Variants in SCN4B observed in about 807,000 individuals in gnomAD.
SCN4B encodes sodium voltage-gated channel beta subunit 4, also known as sodium channel regulatory subunit beta-4.
A neutral mutation model predicts 19.6 loss-of-function variants in SCN4B; 20 were observed. That is an observed-to-expected ratio of 1.02 (90% confidence interval 0.72 to 1.48). The LOEUF is 1.48. SCN4B is among the 40% of genes most tolerant of loss of function. SCN4B has a pLI of 0.00. For synonymous variants in SCN4B, 127 were observed against 122.8 expected (o/e 1.03, Z -0.22); for missense variants, 271 against 287.5 (o/e 0.94, Z 0.42).
chr11:118,140,618 G>A lies in SCN4B; in HGVS notation c.593+589C>T, dbSNP rs922609650. Among the ~76,000 whole-genome samples the A allele has an allele frequency of 3.3e-5, 5 of 152,198 alleles. No homozygotes were observed. The East Asian group carries it at 7.7e-4, about 23-fold the overall frequency. On this transcript the variant is annotated intron_variant, in intron 4 of 4. Transcript: ENST00000324727. ...ACTGTTCCAAAAATTTGGGGCCTGA[G>A]GGTTGCACCCTCCGTACCTCCCCCA...
At position 118,136,299 on chromosome 11, in the gene SCN4B, G is replaced by C; in HGVS notation, c.*728C>G. 1 of 453,830 alleles carries C rather than the reference G, an allele frequency of 2.2e-6. No homozygotes were observed. Among genetic ancestry groups the C allele is most frequent in the Non-Finnish European group, 4.4e-6 (1 of 226,672 alleles). 28.1% of individuals were successfully genotyped at this position (453,830 alleles called of 1,614,324 possible). ...GCACTCGGGTACTCCAGGAAGGCTC[G>C]AGGGGCCCCTTCCTGAGCCCCTCAG... On this transcript the variant is annotated 3_prime_UTR_variant, in exon 5 of 5. Transcript: ENST00000324727.
In SCN4B at chr11:118,133,454, G is replaced by A. The variant is rs757652773; in HGVS notation, c.*3573C>T. 4.4e-6 allele frequency: 2 copies of A among 450,190 alleles called. No individual in the cohort carries two copies. The highest frequency in any genetic ancestry group is 3.1e-5 in the South Asian group (2 of 64,404). The allele number at this position is 450,190 out of a possible 1,614,324, so 27.9% of individuals were successfully genotyped here. On this transcript the variant is annotated 3_prime_UTR_variant, in exon 5 of 5. Transcript: ENST00000324727. ...AATGCAAAACTTGTTGTAGAGGCCAGACTGATTATATCCGTTCTGTGCTCG... is the reference window on the plus strand; with the variant it reads ...AATGCAAAACTTGTTGTAGAGGCCAAACTGATTATATCCGTTCTGTGCTCG...
chr11:118,133,857 G>C lies in SCN4B; in HGVS notation c.*3170C>G, dbSNP rs1239213927. Reference sequence around the variant, plus strand: ...AGCACGGCTGGTCTTCTCTGCCTTTGATTCTTTCTCAGTCTCCAGATGCCT... The same window carrying C: ...AGCACGGCTGGTCTTCTCTGCCTTTCATTCTTTCTCAGTCTCCAGATGCCT... On this transcript the variant is annotated 3_prime_UTR_variant, in exon 5 of 5. Transcript: ENST00000324727. The C allele has an allele frequency of 2.2e-6, 1 of 454,466 alleles. No individual in the cohort carries two copies. Among genetic ancestry groups the C allele is most frequent in the East Asian group, 6.9e-5 (1 of 14,394 alleles). The allele number at this position is 454,466 out of a possible 1,614,324, so 28.2% of individuals were successfully genotyped here. A position where few individuals can be genotyped will look rare whatever the true frequency, so the allele number is the denominator to read the frequency against.
chr11:118,142,896 A>G (rs1009101302), intron 3 of SCN4B: 4 of 152,192 alleles, frequency 2.6e-5, no homozygotes, highest in African/African-American at 9.7e-5. Context: ...CCATAGGCAG[A>G]CCTATGACTC....
At chr11:118,146,006 G>A (rs1948169448) in intron 1 of SCN4B, among the ~76,000 whole-genome samples, 1 of 152,078 alleles carries the variant, frequency 6.6e-6, no homozygotes, top group Non-Finnish European at 1.5e-5. Flanking sequence ...AGCCAGGGTG[G>A]GAAAGTCAGT....
At chr11:118,140,080 G>C (rs763407170) in intron 4 of SCN4B, among the ~76,000 whole-genome samples, 6 of 151,958 alleles carry the variant, frequency 3.9e-5, no homozygotes, top group Admixed American at 2.6e-4. Context: ...AAGGACCACC[G>C]TTGTCTTTTC....
chr11:118,142,287 T>C (rs879833480), intron 3 of SCN4B, among the ~76,000 whole-genome samples: 1 of 152,212 alleles, frequency 6.6e-6, no homozygotes, highest in Non-Finnish European at 1.5e-5. Context: ...CTCCTTGCCC[T>C]GCTCCAGCAC....
rs1323903975 is a variant in SCN4B at position 118,136,182 on chromosome 11, CA to C, written c.*844del. The C allele has an allele frequency of 2.2e-6, 1 of 451,900 alleles. No homozygotes were observed. The highest frequency in any genetic ancestry group is 4.4e-6 in the Non-Finnish European group (1 of 226,302). 28.0% of individuals were successfully genotyped at this position (451,900 alleles called of 1,614,324 possible). A position where few individuals can be genotyped will look rare whatever the true frequency, so the allele number is the denominator to read the frequency against. On this transcript the variant is annotated 3_prime_UTR_variant, in exon 5 of 5. Transcript: ENST00000324727. ...GGGGAGGGGCTGCCAGCATTGGCAGCAATGGGGCGGGCATCCCAGAGGCCCA... is the reference window on the plus strand; with the variant it reads ...GGGGAGGGGCTGCCAGCATTGGCAGCATGGGGCGGGCATCCCAGAGGCCCA...
intron 2 of SCN4B, 86 bp downstream of exon 2, chr11:118,144,971 G>T: frequency 7.4e-7 from 1 of 1,356,802 alleles, no homozygotes; most frequent in Non-Finnish European, 1.1e-6. Context: ...ATCGCAGTGG[G>T]TCTCAGTCCA....
intron 1 of SCN4B, among the ~76,000 whole-genome samples, chr11:118,146,322 C>T (rs1191634676): frequency 6.6e-6 from 1 of 152,014 alleles, no homozygotes; most frequent in East Asian, 1.9e-4. Context: ...CACACACACC[C>T]ACCCCCAGTC....
chr11:118,148,912 TC>T lies in SCN4B; in HGVS notation c.62-3684del, dbSNP rs1212074683. On this transcript the variant is annotated intron_variant, in intron 1 of 4. Transcript: ENST00000324727. This position sits in a 1 kb window ranked among gnomAD's most constrained non-coding sequence, Gnocchi z 4.0. ...TGTGTGTGTGTGAGAGTGGGGGGCC[TC>T]TTTCCGGCATTGTGGAATTGAGGAA... Among the ~76,000 whole-genome samples, 1 of 152,116 alleles carries T rather than the reference TC, an allele frequency of 6.6e-6. No homozygotes were observed. The highest frequency in any genetic ancestry group is 1.5e-5 in the Non-Finnish European group (1 of 68,028).
At chr11:118,145,024 C>T (rs1948151947) in intron 2 of SCN4B, 33 bp downstream of exon 2, 1 of 1,606,930 alleles carries the variant, frequency 6.2e-7, no homozygotes, top group Non-Finnish European at 8.5e-7. Context: ...GTGAGGGAGG[C>T]TGGGCTGTAC....
Position 118,136,238 on chromosome 11 carries a change from A to G in SCN4B, c.*789T>C, listed in dbSNP as rs1351998466. The G allele has an allele frequency of 2.2e-6, 1 of 453,618 alleles. No homozygotes were observed. Among genetic ancestry groups the G allele is most frequent in the Non-Finnish European group, 4.4e-6 (1 of 226,684 alleles). The allele number at this position is 453,618 out of a possible 1,614,324, so 28.1% of individuals were successfully genotyped here. ...ACTGGCTCACTACCTCTGTGGCCCAATTCCCCAAGTAGAAATGCTTGGAAA... is the reference window on the plus strand; with the variant it reads ...ACTGGCTCACTACCTCTGTGGCCCAGTTCCCCAAGTAGAAATGCTTGGAAA... On this transcript the variant is annotated 3_prime_UTR_variant, in exon 5 of 5. Coordinates refer to ENST00000324727, the MANE Select transcript of SCN4B (RefSeq NM_174934.4).
At position 118,141,221 on chromosome 11, in the gene SCN4B, C is replaced by T. The variant is rs202087057; in HGVS notation, c.579G>A (p.Lys193=). 29 of 1,612,878 alleles carry T rather than the reference C, an allele frequency of 1.8e-5. No individual in the cohort carries two copies. Among genetic ancestry groups the T allele is most frequent in the Non-Finnish European group, 2.5e-5 (29 of 1,180,018 alleles). The change falls in exon 4 of 5, where the codon AAG becomes AAA. Residue 193 remains lysine, a synonymous_variant. Transcript: ENST00000324727. ...GATCAACTCACTTCTTCTCCCGAGT[C>T]TTCTTCAGGATGAAGATGATGAGTT... The part of the protein sequence containing the change: ...IKKLIIFILK[K]TREKKKECLV...
intron 1 of SCN4B, chr11:118,145,567 C>G (rs1948162026): frequency 1.1e-6 from 1 of 918,166 alleles, no homozygotes; most frequent in Admixed American, 3.4e-5. Context: ...GGACGCAGTG[C>G]CTGGAAGCGC....
At position 118,133,478 on chromosome 11, in the gene SCN4B, C is replaced by T. The variant is rs149963368; in HGVS notation, c.*3549G>A. On this transcript the variant is annotated 3_prime_UTR_variant, in exon 5 of 5. Coordinates refer to ENST00000324727, the MANE Select transcript of SCN4B (RefSeq NM_174934.4). ...AGACTGATTATATCCGTTCTGTGCT[C>T]GAACACAAGTCAGTGCTGGCTGTGT... The T allele has an allele frequency of 5.4e-4, 243 of 453,996 alleles. 1 individual carries two copies. The highest frequency in any genetic ancestry group is 4.6e-3 in the African/African-American group (232 of 50,128). 28.1% of individuals were successfully genotyped at this position (453,996 alleles called of 1,614,324 possible). A position where few individuals can be genotyped will look rare whatever the true frequency, so the allele number is the denominator to read the frequency against.
At position 118,135,088 on chromosome 11, in the gene SCN4B, C is replaced by T. The variant is rs1292121591; in HGVS notation, c.*1939G>A. ...GAGAAGGAAGAAGAAAACAGTTTTG[C>T]ATGAAGGTAGCTATAAGAAGTTTTC... On this transcript the variant is annotated 3_prime_UTR_variant, in exon 5 of 5. Coordinates refer to ENST00000324727, the MANE Select transcript of SCN4B (RefSeq NM_174934.4). 5 of 454,124 alleles carry T rather than the reference C, an allele frequency of 1.1e-5. No homozygotes were observed. The highest frequency in any genetic ancestry group is 9.4e-5 in the Admixed American group (4 of 42,576). The allele number at this position is 454,124 out of a possible 1,614,324, so 28.1% of individuals were successfully genotyped here.
In SCN4B at chr11:118,136,415, G is replaced by A. The variant is rs774537685; in HGVS notation, c.*612C>T. ...GGTTGAGAGGGCTTAAAAACTCTGA[G>A]CAGGGGAGGGGATAGGCAGATAGGG... is the stretch of plus-strand genomic sequence containing the variant. On this transcript the variant is annotated 3_prime_UTR_variant, in exon 5 of 5. Coordinates refer to ENST00000324727, the MANE Select transcript of SCN4B (RefSeq NM_174934.4). The A allele has an allele frequency of 2.2e-6, 1 of 453,578 alleles. No homozygotes were observed. The highest frequency in any genetic ancestry group is 4.4e-6 in the Non-Finnish European group (1 of 226,634). The allele number at this position is 453,578 out of a possible 1,614,324, so 28.1% of individuals were successfully genotyped here. A position where few individuals can be genotyped will look rare whatever the true frequency, so the allele number is the denominator to read the frequency against.
intron 3 of SCN4B, among the ~76,000 whole-genome samples, chr11:118,142,119 G>T (rs1258512396): frequency 6.6e-6 from 1 of 152,236 alleles, no homozygotes; most frequent in Non-Finnish European, 1.5e-5. Flanking sequence ...GTCTGCAATA[G>T]CTTCCTAACT....
Sources: gnomAD v4.1 joint callset for allele counts (sites outside exome capture counted in the v4.1 genomes callset) on GRCh38, gnomAD v4.1.1 for gene constraint, Gnocchi (gnomAD v3.1) non-coding constraint, MANE v1.5 for transcripts, NCBI Gene and HGNC (gene_info 2026-07-23, HGNC 2026-07-21) for gene names.